Variants in LHX4 observed in about 807,000 individuals in gnomAD.
The protein encoded by LHX4 is LIM homeobox 4, also known as LIM/homeobox protein Lhx4.
A neutral mutation model predicts 39.2 loss-of-function variants in LHX4; 16 were observed. That is an observed-to-expected ratio of 0.41 (90% CI 0.28 to 0.62). The LOEUF (loss-of-function observed/expected upper bound fraction) is 0.62. Ranked by LOEUF, LHX4 falls within the 20% of genes least tolerant of loss-of-function variation. LHX4 has a pLI of 0.33. For missense variants in LHX4, 439 were observed against 511.9 expected, an observed-to-expected ratio of 0.86 and a Z score of 1.37; for synonymous variants, 206 against 198.1, an observed-to-expected ratio of 1.04 and a Z score of -0.33.
At position 180,231,554 on chromosome 1, in the gene LHX4, TCGCG is replaced by T. The variant is rs3041737; in HGVS notation, c.76+970_76+973del. 4.6e-3 allele frequency among the ~76,000 whole-genome samples: 615 copies of T among 132,694 alleles called. 1 individual carries two copies. Among genetic ancestry groups the T allele is most frequent in the African/African-American group, 0.012 (438 of 37,836 alleles). The allele number at this position is 132,694 out of a possible 152,430, so 87.1% of individuals were successfully genotyped here. A position where few individuals can be genotyped will look rare whatever the true frequency, so the allele number is the denominator to read the frequency against. The stretch of plus-strand genomic sequence containing the variant: ...AGAGGCCAGAACAGGTGCCCAGTCG[TCGCG>T]CGCGCGCGCGCGCGCGCGCGACAAG... On this transcript the variant is annotated intron_variant, in intron 1 of 5. Coordinates refer to ENST00000263726, the MANE Select transcript of LHX4 (RefSeq NM_033343.4).
intron 3 of LHX4, 141 bp from the exon 4 acceptor site, chr1:180,271,239 A>T: frequency 1.1e-6 from 1 of 907,780 alleles, no homozygotes; most frequent in Non-Finnish European, 1.8e-6. Context: ...GGACCTCTCC[A>T]CTCTGATGTC....
chr1:180,246,567 C>G (rs1217629263), intron 1 of LHX4, among the ~76,000 whole-genome samples: 20 of 151,992 alleles, frequency 1.3e-4, no homozygotes, highest in Admixed American at 1.3e-3. Flanking sequence ...AAAAAGTAGC[C>G]GGGTGTGGTG....
intron 2 of LHX4, among the ~76,000 whole-genome samples, chr1:180,249,499 GC>G (rs1383020480): frequency 6.6e-6 from 1 of 152,228 alleles, no homozygotes; most frequent in Non-Finnish European, 1.5e-5. Context: ...AGTCACACCA[GC>G]CTGGGTGGCC....
At chr1:180,254,205 T>C (rs1249542016) in intron 2 of LHX4, among the ~76,000 whole-genome samples, 2 of 151,626 alleles carry the variant, frequency 1.3e-5, no homozygotes, top group Non-Finnish European at 2.9e-5. Flanking sequence ...CTCCAGGAGG[T>C]TCCTGTCTAA....
intron 1 of LHX4, among the ~76,000 whole-genome samples, chr1:180,247,019 G>A (rs1391477155): frequency 6.6e-6 from 1 of 152,202 alleles, no homozygotes; most frequent in Non-Finnish European, 1.5e-5. Flanking sequence ...TACTGTAGGA[G>A]GCCAAACGCT....
At chr1:180,260,602 T>A (rs1277525188) in intron 2 of LHX4, among the ~76,000 whole-genome samples, 1 of 151,758 alleles carries the variant, frequency 6.6e-6, no homozygotes, top group Non-Finnish European at 1.5e-5. Context: ...AAGTCTCAGC[T>A]CTTCTCTGCC....
At chr1:180,262,288 A>C (rs2149261806) in intron 2 of LHX4, among the ~76,000 whole-genome samples, 1 of 151,446 alleles carries the variant, frequency 6.6e-6, no homozygotes, top group East Asian at 1.9e-4. Flanking sequence ...AAGGAAAAAA[A>C]AAAAAAAAAA....
At chr1:180,258,048 G>C (rs12083495) in intron 2 of LHX4, among the ~76,000 whole-genome samples, 15,842 of 152,256 alleles carry the variant, frequency 0.1, 1,300 homozygotes, top group African/African-American at 0.23. Context: ...AGCACATATC[G>C]TCAGCCAGGT....
chr1:180,274,282 G>C lies in LHX4; in HGVS notation c.876G>C (p.Met292Ile). Residue 292 changes from methionine (M) to isoleucine (I), a missense_variant, in exon 6 of 6, where the codon ATG becomes ATC. Met to Ile is a conservative substitution (Grantham distance 10). Transcript: ENST00000263726. ...AGTTAATGAATGGGAGCTTCTCCAT[G>C]GACGGGACAGGACAATCCTATCAGG... is the stretch of plus-strand genomic sequence containing the variant. ...GGQLMNGSFS[M>I]DGTGQSYQDL... 1 of 1,614,196 alleles carries C rather than the reference G, an allele frequency of 6.2e-7. No individual in the cohort carries two copies. The highest frequency in any genetic ancestry group is 8.5e-7 in the Non-Finnish European group (1 of 1,180,010).
intron 1 of LHX4, among the ~76,000 whole-genome samples, chr1:180,235,801 C>G (rs558166833): frequency 6.6e-6 from 1 of 152,306 alleles, no homozygotes; most frequent in South Asian, 2.1e-4. Context: ...ACCGGGTGCA[C>G]TCACCGCACG....
chr1:180,265,524 T>C (rs1339138845), intron 2 of LHX4, among the ~76,000 whole-genome samples: 2 of 152,200 alleles, frequency 1.3e-5, no homozygotes, highest in African/African-American at 2.4e-5. Context: ...CAATTTCTCC[T>C]TCCTTCCCGG....
At chr1:180,259,579 G>C (rs1439041444) in intron 2 of LHX4, among the ~76,000 whole-genome samples, 2 of 151,652 alleles carry the variant, frequency 1.3e-5, no homozygotes, top group Admixed American at 1.3e-4. Context: ...CTGAGCCTGG[G>C]GCTCAGTGGG....
intron 3 of LHX4, among the ~76,000 whole-genome samples, chr1:180,267,013 C>T (rs1648346719): frequency 6.6e-6 from 1 of 152,186 alleles, no homozygotes; most frequent in Non-Finnish European, 1.5e-5. Flanking sequence ...TCTCAGCAGC[C>T]CCTGCCTCAA....
chr1:180,233,097 T>C (rs774337175), intron 1 of LHX4, among the ~76,000 whole-genome samples: 2 of 152,210 alleles, frequency 1.3e-5, no homozygotes, highest in Non-Finnish European at 2.9e-5. Flanking sequence ...TTAGAAGAAG[T>C]GATTTAAATC....
At chr1:180,263,877 C>G (rs1295081170) in intron 2 of LHX4, among the ~76,000 whole-genome samples, 1 of 152,104 alleles carries the variant, frequency 6.6e-6, no homozygotes, top group Non-Finnish European at 1.5e-5. Flanking sequence ...GCCCTCCTCT[C>G]CTTGGATCTC....
At chr1:180,269,477 G>A (rs1480000726) in intron 3 of LHX4, among the ~76,000 whole-genome samples, 2 of 152,146 alleles carry the variant, frequency 1.3e-5, no homozygotes, top group Non-Finnish European at 2.9e-5. Flanking sequence ...CAGCATATTA[G>A]TCCCCATCAT....
At chr1:180,240,297 G>A (rs1664417471) in intron 1 of LHX4, among the ~76,000 whole-genome samples, 1 of 152,196 alleles carries the variant, frequency 6.6e-6, no homozygotes, top group African/African-American at 2.4e-5. Context: ...GCCTCCCAAA[G>A]TGCTGGGATT....
At chr1:180,231,008 A>G (rs895562906) in intron 1 of LHX4, among the ~76,000 whole-genome samples, 1 of 151,060 alleles carries the variant, frequency 6.6e-6, no homozygotes, top group Non-Finnish European at 1.5e-5. Context: ...GTGCAACTTC[A>G]CCCCAGCTGG....
At chr1:180,270,501 C>T (rs2794963) in intron 3 of LHX4, 8,681 of 152,300 alleles carry the variant, frequency 0.057, 355 homozygotes, top group Non-Finnish European at 0.078. Context: ...TCCGAACACA[C>T]GCACGCGCCT....
Sources: gnomAD v4.1 joint callset for allele counts (sites outside exome capture counted in the v4.1 genomes callset) on GRCh38, gnomAD v4.1.1 for gene constraint, MANE v1.5 for transcripts, NCBI Gene and HGNC (gene_info 2026-07-23, HGNC 2026-07-21) for gene names.